STPG2: variants seen among roughly 807,000 people sequenced by gnomAD.
STPG2 encodes sperm-tail PG-rich repeat-containing protein 2.
A neutral mutation model predicts 54.2 loss-of-function variants in STPG2; 56 were observed. That is an observed-to-expected ratio of 1.03 (90% confidence interval 0.83 to 1.29). The LOEUF (loss-of-function observed/expected upper bound fraction) is 1.29, where lower values mean the gene tolerates loss of function less well. Among genes scored for constraint, STPG2 ranks in the 50% most tolerant of loss-of-function variants. STPG2 has a pLI of 0.00. For missense variants in STPG2, 596 were observed against 544.9 expected, an observed-to-expected ratio of 1.09 and a Z score of -0.93; for synonymous variants, 200 against 181.8, an observed-to-expected ratio of 1.10 and a Z score of -0.81.
At chr4:97,511,792 A>G (rs1730978761) in intron 4 of STPG2, among the ~76,000 whole-genome samples, 1 of 152,060 alleles carries the variant, frequency 6.6e-6, no homozygotes, top group South Asian at 2.1e-4. Context: ...AATTAACATA[A>G]TTAATTTCCT....
intron 8 of STPG2, among the ~76,000 whole-genome samples, chr4:97,868,434 T>C (rs1040465496): frequency 1.3e-5 from 2 of 151,898 alleles, no homozygotes; most frequent in African/African-American, 4.8e-5. Flanking sequence ...AATTTTTATA[T>C]TAATTTCTTA....
chr4:97,901,813 C>T (rs1417547526), intron 8 of STPG2, among the ~76,000 whole-genome samples: 1 of 151,480 alleles, frequency 6.6e-6, no homozygotes, highest in Non-Finnish European at 1.5e-5. Context: ...AAAAAAAATC[C>T]TAAAATTCAT....
intron 10 of STPG2, among the ~76,000 whole-genome samples, chr4:97,628,263 T>G (rs1253191255): frequency 6.6e-6 from 1 of 152,132 alleles, no homozygotes; most frequent in Non-Finnish European, 1.5e-5. Context: ...CCTGTGAGAC[T>G]GAGTAAGACA....
At chr4:97,773,437 A>G (rs1726277739) in intron 9 of STPG2, among the ~76,000 whole-genome samples, 1 of 152,118 alleles carries the variant, frequency 6.6e-6, no homozygotes, top group African/African-American at 2.4e-5. Flanking sequence ...CTTCTGCCTT[A>G]GCCTCTTAAG....
At position 97,854,553 on chromosome 4, in the gene STPG2, A is replaced by G. The variant is rs538639412; in HGVS notation, c.1045-13621T>C. ...TAGTTCTTTTTTTACACTAGCAAAT[A>G]TTCATTCAATAAAAAGTATTTTTAA... On this transcript the variant is annotated intron_variant, in intron 8 of 10. Transcript: ENST00000295268. 9.3e-5 allele frequency among the ~76,000 whole-genome samples: 14 copies of G among 150,162 alleles called. No homozygotes were observed. In the South Asian group the frequency reaches 2.7e-3, roughly 29 times the overall value.
intron 4 of STPG2, among the ~76,000 whole-genome samples, chr4:98,108,893 T>C (rs1739264813): frequency 6.6e-6 from 1 of 151,748 alleles, no homozygotes; most frequent in Non-Finnish European, 1.5e-5. Context: ...GATGGGGGGC[T>C]AGGGGAGAGA....
rs1729339094 is a variant in STPG2 at position 97,450,544 on chromosome 4, A to G, written c.462+262155T>C. Among the ~76,000 whole-genome samples the G allele has an allele frequency of 2.0e-5, 3 of 152,244 alleles. No homozygotes were observed. The South Asian group carries it at 6.2e-4, about 32-fold the overall frequency. On this transcript the variant is annotated intron_variant, in intron 4 of 4. Transcript: ENST00000522676. ...ATGTGACAATTGAAAGGAAATATGA[A>G]GTAAAGATAGGACTTAATCAGGCAA...
At chr4:98,066,092 CA>C (rs1469462064) in intron 5 of STPG2, among the ~76,000 whole-genome samples, 1 of 128,244 alleles carries the variant, frequency 7.8e-6, no homozygotes, top group African/African-American at 3.0e-5. Flanking sequence ...TTTCATATAT[CA>C]AAAATATATT....
chr4:97,767,072 C>T (rs1431706095), intron 9 of STPG2, among the ~76,000 whole-genome samples: 1 of 151,758 alleles, frequency 6.6e-6, no homozygotes, highest in African/African-American at 2.4e-5. Context: ...TTTGATGAGT[C>T]ATAAGAAAAC....
intron 10 of STPG2, among the ~76,000 whole-genome samples, chr4:97,635,838 C>T (rs866242542): frequency 6.0e-5 from 9 of 151,028 alleles, no homozygotes; most frequent in Non-Finnish European, 1.0e-4. Flanking sequence ...CAGATTCATA[C>T]GGCAAGTCCT....
chr4:97,656,149 T>C (rs1406544636), intron 10 of STPG2, among the ~76,000 whole-genome samples: 1 of 152,136 alleles, frequency 6.6e-6, no homozygotes, highest in East Asian at 1.9e-4. Flanking sequence ...TTCTCAAGTC[T>C]GCAAATACAT....
chr4:97,543,824 G>C (rs1181327676), intron 4 of STPG2, among the ~76,000 whole-genome samples: 1 of 151,996 alleles, frequency 6.6e-6, no homozygotes, highest in Admixed American at 6.6e-5. Flanking sequence ...TCAAATCTTG[G>C]TAAGAATCAC....
intron 4 of STPG2, among the ~76,000 whole-genome samples, chr4:97,497,055 A>G (rs1456907810): frequency 6.6e-6 from 1 of 151,586 alleles, no homozygotes. Context: ...AAGCATTATT[A>G]AAGCTGAGTT....
chr4:97,963,219 G>T (rs866934455), intron 7 of STPG2, among the ~76,000 whole-genome samples: 2 of 151,844 alleles, frequency 1.3e-5, no homozygotes, highest in Admixed American at 1.3e-4. Flanking sequence ...TAAATGTCAG[G>T]TTACTAAGAA....
chr4:97,713,874 A>G (rs945051325), intron 9 of STPG2, among the ~76,000 whole-genome samples: 1 of 152,182 alleles, frequency 6.6e-6, no homozygotes, highest in African/African-American at 2.4e-5. Flanking sequence ...AAACAATACT[A>G]TTGAGTGTCT....
chr4:97,807,848 T>C (rs1049776787), intron 9 of STPG2, among the ~76,000 whole-genome samples: 2 of 151,934 alleles, frequency 1.3e-5, no homozygotes, highest in African/African-American at 4.8e-5. Context: ...AGGTACATCA[T>C]AGTAAAATTT....
chr4:97,533,372 A>T (rs182182487), intron 4 of STPG2, among the ~76,000 whole-genome samples: 9 of 152,258 alleles, frequency 5.9e-5, no homozygotes, highest in South Asian at 2.1e-4. Flanking sequence ...GAATTTTTTT[A>T]AAATTTATCA....
intron 8 of STPG2, among the ~76,000 whole-genome samples, chr4:97,912,595 G>A (rs762618675): frequency 1.3e-5 from 2 of 152,156 alleles, no homozygotes; most frequent in Non-Finnish European, 2.9e-5. Context: ...TTTCTGAAAT[G>A]AGACAGGCAA....
chr4:98,039,562 G>A lies in STPG2; in HGVS notation c.613-58244C>T, dbSNP rs77499966. 6.9e-3 allele frequency among the ~76,000 whole-genome samples: 1,050 copies of A among 151,140 alleles called. 12 individuals carry two copies. The highest frequency in any genetic ancestry group is 0.024 in the African/African-American group (984 of 41,254). ...AAAGTGGAGGGTGGAAGAGGGATGA[G>A]GGATGGGTGCAATGCACATTATTTG... On this transcript the variant is annotated intron_variant, in intron 5 of 10. Transcript: ENST00000295268.
Sources: allele counts gnomAD v4.1 joint callset (sites outside exome capture counted in the v4.1 genomes callset), GRCh38; gene constraint gnomAD v4.1.1; transcripts MANE v1.5; gene names NCBI Gene and HGNC (gene_info 2026-07-23, HGNC 2026-07-21).